Variants in CTNNA3 observed in about 807,000 individuals in gnomAD.
The protein encoded by CTNNA3 is catenin alpha 3, also known as catenin alpha-3.
CTNNA3 carries 76 observed loss-of-function variants against 95.7 expected under a neutral mutation model. The observed-to-expected ratio is 0.79, with a 90% CI of 0.66 to 0.96. The LOEUF is 0.96. Among genes scored for constraint, CTNNA3 ranks in the 40% least tolerant of loss-of-function variants. The probability of loss-of-function intolerance (pLI) is 0.00; values close to 1 mark genes in which losing one functional copy is unlikely to be tolerated. For synonymous variants in CTNNA3, 431 were observed against 374.4 expected (o/e 1.15, Z -1.74); for missense variants, 1,191 against 1,089.8 (o/e 1.09, Z -1.31).
intron 13 of CTNNA3, among the ~76,000 whole-genome samples, chr10:66,220,650 G>T (rs2131978345): frequency 6.6e-6 from 1 of 152,306 alleles, no homozygotes; most frequent in East Asian, 1.9e-4. Flanking sequence ...GTAAATGTGG[G>T]GGATTTTATT....
At chr10:67,532,987 C>T (rs191144255) in intron 4 of CTNNA3, among the ~76,000 whole-genome samples, 1 of 152,220 alleles carries the variant, frequency 6.6e-6, no homozygotes, top group African/African-American at 2.4e-5. Flanking sequence ...TAAGCAGAAG[C>T]CATCCAAACC....
rs1308056689 is a variant in CTNNA3, at chr10:66,910,589, G to C, written c.1048-135065C>G. Among the ~76,000 whole-genome samples, 7 of 152,286 alleles carry C rather than the reference G, an allele frequency of 4.6e-5. No homozygotes were observed. In the East Asian group the frequency reaches 1.4e-3, roughly 29 times the overall value. ...ATGAACTGATTTTCAGTACAACTAA[G>C]ACAGTCACAAGGTAGCATGTAGGCA... On this transcript the variant is annotated intron_variant, in intron 7 of 17. Coordinates refer to ENST00000433211, the MANE Select transcript of CTNNA3 (RefSeq NM_013266.4).
At chr10:67,382,477 AATT>A (rs1413157318) in intron 5 of CTNNA3, among the ~76,000 whole-genome samples, 1 of 152,212 alleles carries the variant, frequency 6.6e-6, no homozygotes, top group Non-Finnish European at 1.5e-5. Flanking sequence ...ATGTGATAGA[AATT>A]ATATTAGAAA....
intron 10 of CTNNA3, among the ~76,000 whole-genome samples, chr10:66,618,574 G>C (rs1253766149): frequency 6.6e-6 from 1 of 152,114 alleles, no homozygotes; most frequent in Non-Finnish European, 1.5e-5. Flanking sequence ...AAGGATTAAA[G>C]ACTTAAACGT....
intron 7 of CTNNA3, among the ~76,000 whole-genome samples, chr10:66,940,587 G>A (rs946084325): frequency 6.6e-6 from 1 of 152,206 alleles, no homozygotes; most frequent in Non-Finnish European, 1.5e-5. Flanking sequence ...CTGACAAAAT[G>A]TATTCAGCAG....
intron 5 of CTNNA3, among the ~76,000 whole-genome samples, chr10:67,380,018 C>T (rs1341618957): frequency 4.0e-5 from 2 of 49,434 alleles, no homozygotes; most frequent in African/African-American, 1.4e-4. Context: ...GAGACTCCGT[C>T]TCAAAAAAAA....
At chr10:66,692,392 C>A (rs1276079218) in intron 9 of CTNNA3, among the ~76,000 whole-genome samples, 1 of 152,102 alleles carries the variant, frequency 6.6e-6, no homozygotes, top group South Asian at 2.1e-4. Context: ...TGAAATGAAG[C>A]AAGAAGGGAA....
rs191509037 is a variant in CTNNA3, at chr10:67,297,272, C to T, written c.580-77402G>A. Among the ~76,000 whole-genome samples, 6 of 152,300 alleles carry T rather than the reference C, an allele frequency of 3.9e-5. No individual in the cohort carries two copies. In the East Asian group the frequency reaches 1.2e-3, roughly 29 times the overall value. On this transcript the variant is annotated intron_variant, in intron 5 of 17. Transcript: ENST00000433211. ...CCATGACAGTTCCAAGAGGTGTCCT[C>T]CAGATCCTCTTTGTCACCAACTTCA... is the stretch of plus-strand genomic sequence containing the variant.
chr10:67,287,366 T>G (rs2132458284), intron 5 of CTNNA3, among the ~76,000 whole-genome samples: 1 of 152,124 alleles, frequency 6.6e-6, no homozygotes, highest in Non-Finnish European at 1.5e-5. Flanking sequence ...AAAAACATTC[T>G]TACAGATTGT....
At chr10:66,300,449 G>A (rs890606144) in intron 12 of CTNNA3, among the ~76,000 whole-genome samples, 4 of 151,914 alleles carry the variant, frequency 2.6e-5, no homozygotes, top group African/African-American at 9.7e-5. Flanking sequence ...CTAAACAACA[G>A]AGCACGGAAA....
At chr10:67,540,557 A>C (rs761730219) in intron 3 of CTNNA3, among the ~76,000 whole-genome samples, 3 of 151,998 alleles carry the variant, frequency 2.0e-5, no homozygotes, top group Non-Finnish European at 4.4e-5. Flanking sequence ...TGAATGTATG[A>C]TTTATGTGTA....
intron 11 of CTNNA3, among the ~76,000 whole-genome samples, chr10:66,400,369 G>A (rs982402696): frequency 1.6e-4 from 25 of 151,972 alleles, no homozygotes; most frequent in African/African-American, 5.8e-4. Context: ...TATTCTCTTT[G>A]TCAAGCTCTT....
chr10:67,256,264 A>C (rs1003811561), intron 5 of CTNNA3, among the ~76,000 whole-genome samples: 1 of 152,120 alleles, frequency 6.6e-6, no homozygotes, highest in Non-Finnish European at 1.5e-5. Flanking sequence ...ATTGTTCACC[A>C]AACTAGGAAG....
intron 1 of CTNNA3, among the ~76,000 whole-genome samples, chr10:67,726,115 A>G (rs1363758089): frequency 8.6e-6 from 1 of 116,332 alleles, no homozygotes; most frequent in Non-Finnish European, 1.6e-5. Flanking sequence ...AAGATTATAT[A>G]TTATTATATT....
rs139640000 is a variant in CTNNA3 at position 67,145,262 on chromosome 10, A to G, written c.1047+35055T>C. 1.1e-3 allele frequency among the ~76,000 whole-genome samples: 170 copies of G among 152,282 alleles called. 1 individual carries two copies. The highest frequency in any genetic ancestry group is 3.9e-3 in the African/African-American group (164 of 41,544). ...GGTTAAAATATTCTGATAATTGCCAAAGCGTAACACAGAAACATGAAATGA... is the reference window on the plus strand; with the variant it reads ...GGTTAAAATATTCTGATAATTGCCAGAGCGTAACACAGAAACATGAAATGA... On this transcript the variant is annotated intron_variant, in intron 7 of 17. Transcript: ENST00000433211.
intron 7 of CTNNA3, among the ~76,000 whole-genome samples, chr10:67,027,673 C>T (rs973462239): frequency 7.9e-5 from 12 of 151,912 alleles, no homozygotes; most frequent in African/African-American, 2.9e-4. Context: ...TTGACCTTGT[C>T]ATCCACTGGC....
chr10:67,725,308 C>G (rs939085906), intron 1 of CTNNA3, among the ~76,000 whole-genome samples: 5 of 151,974 alleles, frequency 3.3e-5, no homozygotes, highest in Admixed American at 3.3e-4. Context: ...TCCCAAGTAG[C>G]TGGGACAACA....
intron 5 of CTNNA3, among the ~76,000 whole-genome samples, chr10:67,253,739 G>A (rs1866208889): frequency 6.6e-6 from 1 of 152,108 alleles, no homozygotes; most frequent in Admixed American, 6.6e-5. Context: ...AACACCAAAG[G>A]AAATCATAAA....
chr10:66,138,913 G>C (rs116945570), intron 13 of CTNNA3, among the ~76,000 whole-genome samples: 1,875 of 152,246 alleles, frequency 0.012, 20 homozygotes, highest in Admixed American at 0.027. Flanking sequence ...CAAACATCTG[G>C]ACCTTTACAC....
Sources: gnomAD v4.1 joint callset for allele counts (sites outside exome capture counted in the v4.1 genomes callset) on GRCh38, gnomAD v4.1.1 for gene constraint, MANE v1.5 for transcripts, NCBI Gene and HGNC (gene_info 2026-07-23, HGNC 2026-07-21) for gene names.